The following PRKD1 variants were observed in gnomAD, a reference collection of about 807,000 sequenced individuals.
PRKD1 encodes serine/threonine-protein kinase D1.
Under a neutral mutation model 95.9 loss-of-function variants are expected in PRKD1, and 63 were observed. That is an observed-to-expected ratio of 0.66 (90% CI 0.54 to 0.81). PRKD1 has a LOEUF of 0.81. PRKD1 is among the 30% of genes least tolerant of loss of function. The pLI is 0.00. For synonymous variants in PRKD1, 425 were observed against 423.1 expected (o/e 1.00, Z -0.05); for missense variants, 1,048 against 1,165.3 (o/e 0.90, Z 1.47).
chr14:29,686,280 C>T (rs45625434), intron 2 of PRKD1, among the ~76,000 whole-genome samples: 170 of 152,206 alleles, frequency 1.1e-3, no homozygotes, highest in Non-Finnish European at 2.0e-3. Flanking sequence ...GATGGACTCG[C>T]GAGCACCAGG....
intron 1 of PRKD1, among the ~76,000 whole-genome samples, chr14:29,792,924 G>T (rs1449269623): frequency 6.6e-6 from 1 of 152,006 alleles, no homozygotes; most frequent in Non-Finnish European, 1.5e-5. Flanking sequence ...ATGTTTGCTG[G>T]ATCAAAGGGA....
intron 16 of PRKD1, among the ~76,000 whole-genome samples, chr14:29,582,155 A>AT (rs1219587823): frequency 1.3e-5 from 2 of 152,234 alleles, no homozygotes; most frequent in Admixed American, 6.6e-5. Flanking sequence ...GTAAATTAAC[A>AT]TTGACAAATA....
chr14:29,735,618 C>T (rs1467852584), intron 1 of PRKD1, among the ~76,000 whole-genome samples: 1 of 152,194 alleles, frequency 6.6e-6, no homozygotes, highest in Non-Finnish European at 1.5e-5. Context: ...TTGTGTGATG[C>T]AAGAGTCAGG....
intron 1 of PRKD1, among the ~76,000 whole-genome samples, chr14:29,743,593 C>T (rs1474834144): frequency 6.6e-6 from 1 of 152,156 alleles, no homozygotes; most frequent in Non-Finnish European, 1.5e-5. Flanking sequence ...AATCAAAATT[C>T]AGATTGCAGA....
intron 4 of PRKD1, among the ~76,000 whole-genome samples, chr14:29,659,364 T>C (rs60827922): frequency 0.036 from 5,502 of 152,234 alleles, 283 homozygotes; most frequent in African/African-American, 0.12. Context: ...ATACAATCCA[T>C]TGTATGACTA....
chr14:29,770,521 C>A (rs1290461236), intron 1 of PRKD1, among the ~76,000 whole-genome samples: 2 of 152,164 alleles, frequency 1.3e-5, no homozygotes, highest in African/African-American at 4.8e-5. Context: ...CTGATGAAAT[C>A]TGACAGAAGT....
intron 1 of PRKD1, among the ~76,000 whole-genome samples, chr14:29,871,710 T>C (rs1318831781): frequency 6.6e-6 from 1 of 152,206 alleles, no homozygotes; most frequent in Non-Finnish European, 1.5e-5. Flanking sequence ...AGAGCAGTTG[T>C]AGGCCCATGG....
chr14:29,882,646 C>G (rs773800397), intron 1 of PRKD1, among the ~76,000 whole-genome samples: 2 of 152,180 alleles, frequency 1.3e-5, no homozygotes, highest in Non-Finnish European at 2.9e-5. Context: ...CTAAACAACT[C>G]CGCATTTTCC....
intron 16 of PRKD1, chr14:29,591,115 G>C (rs923305904): frequency 4.6e-5 from 7 of 152,042 alleles, no homozygotes; most frequent in African/African-American, 1.7e-4. Context: ...TGACACATAG[G>C]TTAGTTGCAT....
At chr14:29,892,414 G>T (rs1173988870) in intron 1 of PRKD1, among the ~76,000 whole-genome samples, 2 of 135,704 alleles carry the variant, frequency 1.5e-5, no homozygotes, top group Non-Finnish European at 3.1e-5. Flanking sequence ...CACTAAATGT[G>T]AAATCATTTC....
chr14:29,740,995 A>G (rs1193842028), intron 1 of PRKD1, among the ~76,000 whole-genome samples: 1 of 152,216 alleles, frequency 6.6e-6, no homozygotes, highest in Non-Finnish European at 1.5e-5. Context: ...TTAGCAAACT[A>G]ACACAGGAAC....
At chr14:29,856,091 T>C (rs903056398) in intron 1 of PRKD1, among the ~76,000 whole-genome samples, 8 of 152,142 alleles carry the variant, frequency 5.3e-5, no homozygotes, top group African/African-American at 1.9e-4. Context: ...GGATGAAGGA[T>C]GGCACCATAC....
intron 1 of PRKD1, among the ~76,000 whole-genome samples, chr14:29,747,996 C>T (rs1267571768): frequency 6.6e-6 from 1 of 152,060 alleles, no homozygotes; most frequent in Admixed American, 6.6e-5. Flanking sequence ...CTCCCACCTC[C>T]GCCTCCCAAA....
At chr14:29,779,889 AC>A (rs1888962600) in intron 1 of PRKD1, among the ~76,000 whole-genome samples, 1 of 152,198 alleles carries the variant, frequency 6.6e-6, no homozygotes, top group Non-Finnish European at 1.5e-5. Flanking sequence ...TTCAAACTAT[AC>A]TACAAGGCTA....
intron 16 of PRKD1, among the ~76,000 whole-genome samples, chr14:29,590,141 A>G (rs2138983821): frequency 6.6e-6 from 1 of 152,316 alleles, no homozygotes; most frequent in Admixed American, 6.5e-5. Flanking sequence ...ACTGGTCCAT[A>G]TGTTTAGAAA....
intron 2 of PRKD1, among the ~76,000 whole-genome samples, chr14:29,689,687 A>G (rs1365538669): frequency 1.3e-5 from 2 of 152,208 alleles, no homozygotes; most frequent in East Asian, 1.9e-4. Flanking sequence ...TGTTCATTGC[A>G]GCACTCTTTA....
At chr14:29,744,093 G>A (rs903358354) in intron 1 of PRKD1, among the ~76,000 whole-genome samples, 3 of 151,978 alleles carry the variant, frequency 2.0e-5, no homozygotes, top group African/African-American at 4.8e-5. Context: ...GTTTATACTC[G>A]GGTGACACAA....
chr14:29,675,415 A>T lies in PRKD1; in HGVS notation c.404-9207T>A, dbSNP rs1460539990. Among the ~76,000 whole-genome samples, 3 of 152,160 alleles carry T rather than the reference A, an allele frequency of 2.0e-5. No individual in the cohort carries two copies. The East Asian group carries it at 5.8e-4, about 29-fold the overall frequency. ...TGTAGACAATCGCTTCCCCATCCCC[A>T]TTCTTCTGACAACCACTAATTTATT... On this transcript the variant is annotated intron_variant, in intron 2 of 17. Coordinates refer to ENST00000331968, the MANE Select transcript of PRKD1 (RefSeq NM_002742.3).
Position 29,826,710 on chromosome 14 carries a change from CATAT to C in PRKD1, c.264+100535_264+100538del, listed in dbSNP as rs199668864. Among the ~76,000 whole-genome samples, 7 of 67,756 alleles carry C rather than the reference CATAT, an allele frequency of 1.0e-4. 1 individual carries two copies. The highest frequency in any genetic ancestry group is 4.4e-4 in the African/African-American group (7 of 16,014). 44.5% of individuals were successfully genotyped at this position (67,756 alleles called of 152,430 possible). A position where few individuals can be genotyped will look rare whatever the true frequency, so the allele number is the denominator to read the frequency against. On this transcript the variant is annotated intron_variant, in intron 1 of 17. Coordinates refer to ENST00000331968, the MANE Select transcript of PRKD1 (RefSeq NM_002742.3). ...ACACACATATATATACATATATACA[CATAT>C]ATATATACATATATATACACATATA...
Sources: allele counts gnomAD v4.1 joint callset (sites outside exome capture counted in the v4.1 genomes callset), GRCh38; gene constraint gnomAD v4.1.1; transcripts MANE v1.5; gene names NCBI Gene and HGNC (gene_info 2026-07-23, HGNC 2026-07-21).